Variants in SLC17A8 observed in about 807,000 individuals in gnomAD.
SLC17A8 encodes the protein vesicular glutamate transporter 3.
A neutral mutation model predicts 58.0 loss-of-function variants in SLC17A8; 31 were observed. The observed-to-expected ratio is 0.53, with a 90% CI of 0.40 to 0.72. The LOEUF is 0.72. Among genes scored for constraint, SLC17A8 ranks in the 30% least tolerant of loss-of-function variants. The probability of loss-of-function intolerance (pLI) is 0.00; values close to 1 mark genes in which losing one functional copy is unlikely to be tolerated. For synonymous variants in SLC17A8, 228 were observed against 249.0 expected (o/e 0.92, Z 0.79); for missense variants, 655 against 727.8 (o/e 0.90, Z 1.15).
chr12:100,359,490 C>A (rs1952470023), intron 1 of SLC17A8, among the ~76,000 whole-genome samples: 1 of 152,046 alleles, frequency 6.6e-6, no homozygotes, highest in African/African-American at 2.4e-5. Context: ...TTCCTCAGAA[C>A]AATAGAAAAA....
chr12:100,390,313 G>T (rs979337833), intron 2 of SLC17A8, among the ~76,000 whole-genome samples: 3 of 151,412 alleles, frequency 2.0e-5, no homozygotes, highest in African/African-American at 7.3e-5. Flanking sequence ...TTATTACAAG[G>T]TGAAATCTAT....
intron 2 of SLC17A8, among the ~76,000 whole-genome samples, chr12:100,390,378 A>G (rs1037123099): frequency 1.7e-4 from 26 of 149,990 alleles, no homozygotes; most frequent in Non-Finnish European, 2.8e-4. Flanking sequence ...ATGGAGTCTC[A>G]CTCTGTTGCC....
chr12:100,394,398 CTTTTTTTT>C (rs34047250), intron 4 of SLC17A8, among the ~76,000 whole-genome samples: 14 of 112,752 alleles, frequency 1.2e-4, no homozygotes, highest in African/African-American at 4.4e-4. Context: ...ACATCTTTTC[CTTTTTTTT>C]TTTTTTTTTT....
At chr12:100,378,786 G>A (rs895547369) in intron 1 of SLC17A8, among the ~76,000 whole-genome samples, 1 of 152,088 alleles carries the variant, frequency 6.6e-6, no homozygotes, top group Non-Finnish European at 1.5e-5. Flanking sequence ...GTAGGGAAAT[G>A]GTTAGGTTCT....
chr12:100,407,755 G>A (rs1179000793), intron 9 of SLC17A8, among the ~76,000 whole-genome samples: 7 of 151,826 alleles, frequency 4.6e-5, no homozygotes, highest in East Asian at 1.9e-4. Context: ...ACAGGCACCC[G>A]CCACCACACC....
Position 100,420,328 on chromosome 12 carries a change from A to C in SLC17A8, c.*169A>C. On this transcript the variant is annotated 3_prime_UTR_variant, in exon 12 of 12. Transcript: ENST00000323346. ...TATCTTTCAATGACATGTATAGGTAAGGAGCTGCGCTCAGTTGATAACATA... is the reference window on the plus strand; with the variant it reads ...TATCTTTCAATGACATGTATAGGTACGGAGCTGCGCTCAGTTGATAACATA... 1.6e-6 allele frequency: 1 copy of C among 621,150 alleles called. No homozygotes were observed. Among genetic ancestry groups the C allele is most frequent in the Non-Finnish European group, 2.8e-6 (1 of 352,030 alleles). 38.5% of individuals were successfully genotyped at this position (621,150 alleles called of 1,614,324 possible).
At chr12:100,394,048 T>G (rs1156713749) in intron 4 of SLC17A8, among the ~76,000 whole-genome samples, 1 of 152,236 alleles carries the variant, frequency 6.6e-6, no homozygotes, top group East Asian at 1.9e-4. Flanking sequence ...AAACTGAAAT[T>G]TGAACTTCAT....
At chr12:100,389,407 G>C (rs1384331784) in intron 2 of SLC17A8, among the ~76,000 whole-genome samples, 1 of 152,142 alleles carries the variant, frequency 6.6e-6, no homozygotes, top group Admixed American at 6.5e-5. Context: ...AGAAATGAGA[G>C]ACTTAAGACT....
At position 100,419,815 on chromosome 12, in the gene SLC17A8, A is replaced by G. The variant is rs752679962; in HGVS notation, c.1426A>G (p.Thr476Ala). 1.2e-6 allele frequency: 2 copies of G among 1,613,010 alleles called. No homozygotes were observed. Among genetic ancestry groups the G allele is most frequent in the South Asian group, 2.2e-5 (2 of 91,068 alleles). Reference sequence around the variant, plus strand: ...ATTGGCACTTTATTTCCTTATTTAGACCCGTGAAGAATGGCAGAATGTGTT... The same window carrying G: ...ATTGGCACTTTATTTCCTTATTTAGGCCCGTGAAGAATGGCAGAATGTGTT... ...LIVGAMTRHK[T>A]REEWQNVFLI... Residue 476 changes from threonine (T) to alanine (A), a missense_variant and splice_region_variant, in exon 12 of 12, where the codon ACC (threonine) becomes GCC (alanine). By Grantham distance (58) the Thr-to-Ala change is moderately conservative (BLOSUM62 0). Coordinates refer to ENST00000323346, the MANE Select transcript of SLC17A8 (RefSeq NM_139319.3).
At chr12:100,391,465 C>T (rs1025548068) in intron 3 of SLC17A8, among the ~76,000 whole-genome samples, 3 of 151,400 alleles carry the variant, frequency 2.0e-5, no homozygotes, top group Non-Finnish European at 4.4e-5. Context: ...CCACTACACC[C>T]AGCTAACTTT....
At chr12:100,379,011 A>G (rs1425642304) in intron 1 of SLC17A8, among the ~76,000 whole-genome samples, 1 of 152,172 alleles carries the variant, frequency 6.6e-6, no homozygotes, top group East Asian at 1.9e-4. Context: ...CACGTTGTCT[A>G]TTGCTCCCCA....
intron 1 of SLC17A8, among the ~76,000 whole-genome samples, chr12:100,376,315 T>C (rs745950148): frequency 6.6e-5 from 10 of 152,200 alleles, no homozygotes; most frequent in Non-Finnish European, 1.2e-4. Flanking sequence ...AAGGGAGAGA[T>C]AGCACTGGGC....
In SLC17A8 at chr12:100,409,145, TTATGTATGTATGTATG is replaced by T. The variant is rs4015905; in HGVS notation, c.1187-3585_1187-3570del. On this transcript the variant is annotated intron_variant, in intron 9 of 11. Coordinates refer to ENST00000323346, the MANE Select transcript of SLC17A8 (RefSeq NM_139319.3). ...TTCCTTTGCATTAATTCATTAAACG[TTATGTATGTATGTATG>T]TATGTATGTATGTATGTATGTATGT... is the stretch of plus-strand genomic sequence containing the variant. 7.7e-3 allele frequency among the ~76,000 whole-genome samples: 1,101 copies of T among 143,786 alleles called. 12 individuals carry two copies. Among genetic ancestry groups the T allele is most frequent in the African/African-American group, 0.02 (781 of 39,108 alleles). The allele number at this position is 143,786 out of a possible 152,430, so 94.3% of individuals were successfully genotyped here. A position where few individuals can be genotyped will look rare whatever the true frequency, so the allele number is the denominator to read the frequency against.
intron 1 of SLC17A8, among the ~76,000 whole-genome samples, chr12:100,370,586 C>T (rs1321693705): frequency 4.7e-5 from 7 of 147,688 alleles, no homozygotes; most frequent in Admixed American, 1.4e-4. Flanking sequence ...CATGAGCCAC[C>T]GTGCCCAGCC....
Position 100,380,763 on chromosome 12 carries a change from T to G in SLC17A8, c.164T>G (p.Val55Gly). The stretch of plus-strand genomic sequence containing the variant: ...GAGCTGAATGAAGAAGGAAGGCCGG[T>G]GCAGACGTCCAGGCCAAGCCCCCCA... The part of the protein sequence containing the change: ...NIELNEEGRP[V>G]QTSRPSPPLC... The change falls in exon 2 of 12, where the codon GTG (valine) becomes GGG (glycine). Residue 55 changes from valine (V) to glycine (G), a missense_variant. By Grantham distance (109) the Val-to-Gly change is moderately radical. Transcript: ENST00000323346. The G allele has an allele frequency of 6.2e-7, 1 of 1,614,090 alleles. No individual in the cohort carries two copies. The highest frequency in any genetic ancestry group is 8.5e-7 in the Non-Finnish European group (1 of 1,180,004).
chr12:100,361,141 G>T (rs1454661790), intron 1 of SLC17A8, among the ~76,000 whole-genome samples: 1 of 152,172 alleles, frequency 6.6e-6, no homozygotes, highest in African/African-American at 2.4e-5. Flanking sequence ...CAACTTGGCT[G>T]CAATGGGGTG....
At chr12:100,369,126 A>G (rs760432587) in intron 1 of SLC17A8, among the ~76,000 whole-genome samples, 1 of 152,082 alleles carries the variant, frequency 6.6e-6, no homozygotes, top group Non-Finnish European at 1.5e-5. Context: ...AACTACAAAA[A>G]TTAGCCAGGC....
intron 11 of SLC17A8, among the ~76,000 whole-genome samples, chr12:100,418,770 GATT>G (rs1375502184): frequency 3.3e-5 from 5 of 151,614 alleles, no homozygotes; most frequent in African/African-American, 1.2e-4. Context: ...GATACCATGG[GATT>G]TTTTTCCCCC....
intron 1 of SLC17A8, among the ~76,000 whole-genome samples, chr12:100,378,937 G>A (rs1278418665): frequency 6.6e-6 from 1 of 152,072 alleles, no homozygotes; most frequent in Non-Finnish European, 1.5e-5. Flanking sequence ...AGTAATTATA[G>A]CTGCTTGTAT....
Sources: gnomAD v4.1 joint callset for allele counts (sites outside exome capture counted in the v4.1 genomes callset) on GRCh38, gnomAD v4.1.1 for gene constraint, MANE v1.5 for transcripts, NCBI Gene and HGNC (gene_info 2026-07-23, HGNC 2026-07-21) for gene names.